Variants in CSNK1A1L observed in about 807,000 individuals in gnomAD.
CSNK1A1L encodes the protein casein kinase 1 alpha 1 like, also known as casein kinase I isoform alpha-like.
CSNK1A1L carries 20 observed loss-of-function variants against 24.6 expected under a neutral mutation model. The ratio of observed to expected loss-of-function variants is 0.81; its 90% CI spans 0.57 to 1.18. CSNK1A1L has a LOEUF of 1.18. Ranked by LOEUF, CSNK1A1L falls within the 50% of genes most tolerant of loss-of-function variation. The pLI is 0.00. For synonymous variants in CSNK1A1L, 152 were observed against 154.0 expected, an observed-to-expected ratio of 0.99 and a Z score of 0.09; for missense variants, 414 against 419.0, an observed-to-expected ratio of 0.99 and a Z score of 0.10.
rs1490825316 is a variant in CSNK1A1L at position 37,105,279 on chromosome 13, T to TG, written c.-24dup. ...CATCCTGAGAGGCAAAGATGGAGGC[T>TG]GGGCTCAGCCCTGACCCCTCTAGGG... On this transcript the variant is annotated 5_prime_UTR_variant, in exon 1 of 1. Transcript: ENST00000379800. 1 of 1,604,334 alleles carries TG rather than the reference T, an allele frequency of 6.2e-7. No individual in the cohort carries two copies. Among genetic ancestry groups the TG allele is most frequent in the Non-Finnish European group, 8.5e-7 (1 of 1,174,862 alleles).
chr13:37,105,403 G>T lies in CSNK1A1L; in HGVS notation c.-147C>A. On this transcript the variant is annotated 5_prime_UTR_variant, in exon 1 of 1. Transcript: ENST00000379800. ...GTTTCCCGGTGTTACAGGGCGTGGA[G>T]TCAGCCTGATCCCTGCAGCACACCA... The T allele has an allele frequency of 1.3e-6, 1 of 781,476 alleles. No individual in the cohort carries two copies. The highest frequency in any genetic ancestry group is 2.1e-6 in the Non-Finnish European group (1 of 482,770). 48.4% of individuals were successfully genotyped at this position (781,476 alleles called of 1,614,324 possible). A position where few individuals can be genotyped will look rare whatever the true frequency, so the allele number is the denominator to read the frequency against.
In CSNK1A1L at chr13:37,104,239, AC is replaced by A; in HGVS notation, c.*3del. ...GCTCTGCTTCTTCTGTTCCTCATTCACGCTTAGTTATCTTTCACATTATTCT... is the reference window on the plus strand; with the variant it reads ...GCTCTGCTTCTTCTGTTCCTCATTCAGCTTAGTTATCTTTCACATTATTCT... On this transcript the variant is annotated 3_prime_UTR_variant, in exon 1 of 1. Transcript: ENST00000379800. 1 of 1,614,066 alleles carries A rather than the reference AC, an allele frequency of 6.2e-7. No homozygotes were observed.
Position 37,105,345 on chromosome 13 carries a change from A to G in CSNK1A1L, c.-89T>C. On this transcript the variant is annotated 5_prime_UTR_variant, in exon 1 of 1. Coordinates refer to ENST00000379800, the MANE Select transcript of CSNK1A1L (RefSeq NM_145203.6). ...CGGGGCCCACCGGCCCGCAAGGCTGAGGATGAGGGCTGCTGGAAATGGCCA... is the reference window on the plus strand; with the variant it reads ...CGGGGCCCACCGGCCCGCAAGGCTGGGGATGAGGGCTGCTGGAAATGGCCA... 7.0e-7 allele frequency: 1 copy of G among 1,425,582 alleles called. No individual in the cohort carries two copies. The highest frequency in any genetic ancestry group is 9.5e-7 in the Non-Finnish European group (1 of 1,047,734). The allele number at this position is 1,425,582 out of a possible 1,614,324, so 88.3% of individuals were successfully genotyped here.
Position 37,105,140 on chromosome 13 carries a change from G to C in CSNK1A1L, c.117C>G (p.Asn39Lys), listed in dbSNP as rs368741835. The C allele has an allele frequency of 6.2e-7, 1 of 1,614,106 alleles. No homozygotes were observed. Among genetic ancestry groups the C allele is most frequent in the Non-Finnish European group, 8.5e-7 (1 of 1,180,030 alleles). ...GDVYLGITTT[N>K]GEDVAVKLES... is the part of the protein sequence containing the mutation. Reference sequence around the variant, plus strand: ...CCAGCTTCACTGCTACGTCCTCGCCGTTGGTGGTGGTGATGCCCAGATAAA... The same window carrying C: ...CCAGCTTCACTGCTACGTCCTCGCCCTTGGTGGTGGTGATGCCCAGATAAA... The change falls in exon 1 of 1, where the codon AAC becomes AAG. Residue 39 changes from asparagine to lysine, a missense_variant. Physicochemically the swap from Asn to Lys is moderately conservative, Grantham distance 94 (BLOSUM62 0). Coordinates refer to ENST00000379800, the MANE Select transcript of CSNK1A1L (RefSeq NM_145203.6).
chr13:37,104,620 A>C lies in CSNK1A1L; in HGVS notation c.637T>G (p.Tyr213Asp), dbSNP rs1267421167. The change falls in exon 1 of 1, where the codon TAT becomes GAT. Residue 213 changes from tyrosine to aspartate, a missense_variant. Transcript: ENST00000379800. The stretch of plus-strand genomic sequence containing the variant: ...CACGGCAGGCTGGTTCTATTAAAAT[A>C]CATGAAAACGTAGCCTAAGGATTCC... ...DMESLGYVFM[Y>D]FNRTSLPWQG... 1 of 1,614,030 alleles carries C rather than the reference A, an allele frequency of 6.2e-7. No individual in the cohort carries two copies.
rs960099936 is a variant in CSNK1A1L at position 37,104,795 on chromosome 13, G to T, written c.462C>A (p.Phe154Leu). 5.2e-5 allele frequency: 84 copies of T among 1,613,324 alleles called. No homozygotes were observed. The highest frequency in any genetic ancestry group is 7.1e-5 in the Non-Finnish European group (84 of 1,179,924). Residue 154 changes from phenylalanine (F) to leucine (L), a missense_variant, in exon 1 of 1, where the codon TTC becomes TTA. Transcript: ENST00000379800. Reference protein sequence around the residue: ...MGTGRHCNKLFLIDFGLAKKY... With the variant: ...MGTGRHCNKLLLIDFGLAKKY... ...TTTTGGCCAAACCAAAATCAATAAG[G>T]AACAACTTATTACAGTGACGCCCAG... is the stretch of plus-strand genomic sequence containing the variant.
Position 37,104,021 on chromosome 13 carries a change from A to T in CSNK1A1L, c.*222T>A. The T allele has an allele frequency of 1.7e-6, 1 of 598,110 alleles. No homozygotes were observed. Among genetic ancestry groups the T allele is most frequent in the East Asian group, 2.9e-5 (1 of 35,062 alleles). The allele number at this position is 598,110 out of a possible 1,614,324, so 37.1% of individuals were successfully genotyped here. On this transcript the variant is annotated 3_prime_UTR_variant, in exon 1 of 1. Coordinates refer to ENST00000379800, the MANE Select transcript of CSNK1A1L (RefSeq NM_145203.6). The stretch of plus-strand genomic sequence containing the variant: ...AATAGAAAACCAGACACCACGTTTC[A>T]CTACCTCAGTTAATATTCACAATTA...
rs1007189241 is a variant in CSNK1A1L at position 37,103,308 on chromosome 13, C to T, written c.*935G>A. On this transcript the variant is annotated 3_prime_UTR_variant, in exon 1 of 1. Coordinates refer to ENST00000379800, the MANE Select transcript of CSNK1A1L (RefSeq NM_145203.6). ...AGGGAATATCATGTAACAAATGGCT[C>T]GAAGTTGACTATCAAAAAATTGGGG... is the stretch of plus-strand genomic sequence containing the variant. 20 of 152,062 alleles carry T rather than the reference C, an allele frequency of 1.3e-4. No homozygotes were observed. Among genetic ancestry groups the T allele is most frequent in the Admixed American group, 1.2e-3 (18 of 15,270 alleles). The allele number at this position is 152,062 out of a possible 1,614,324, so 9.4% of individuals were successfully genotyped here. A position where few individuals can be genotyped will look rare whatever the true frequency, so the allele number is the denominator to read the frequency against.
Position 37,104,348 on chromosome 13 carries a change from C to T in CSNK1A1L, c.909G>A (p.Gln303=), listed in dbSNP as rs1264351105. 3 of 1,614,094 alleles carry T rather than the reference C, an allele frequency of 1.9e-6. No individual in the cohort carries two copies. Among genetic ancestry groups the T allele is most frequent in the Non-Finnish European group, 2.5e-6 (3 of 1,180,060 alleles). The change falls in exon 1 of 1, where the codon CAG becomes CAA. Residue 303 remains glutamine (Q), a synonymous_variant. Coordinates refer to ENST00000379800, the MANE Select transcript of CSNK1A1L (RefSeq NM_145203.6). The part of the protein sequence containing the change: ...DYTFDWTMLK[Q]KAAQQAASSS... The stretch of plus-strand genomic sequence containing the variant: ...AAGAGGCTGCCTGCTGTGCTGCTTT[C>T]TGCTTTAACATCGTCCAATCAAATG...
chr13:37,104,852 T>G lies in CSNK1A1L; in HGVS notation c.405A>C (p.Arg135=). Residue 135 remains arginine, a synonymous_variant, in exon 1 of 1, where the codon CGA becomes CGC. Coordinates refer to ENST00000379800, the MANE Select transcript of CSNK1A1L (RefSeq NM_145203.6). ...EYVHTKNFLH[R]DIKPDNFLMG... Reference sequence around the variant, plus strand: ...TCAGGAAGTTATCTGGTTTAATGTCTCGGTGTAGAAAATTCTTTGTATGCA... The same window carrying G: ...TCAGGAAGTTATCTGGTTTAATGTCGCGGTGTAGAAAATTCTTTGTATGCA... 6.2e-7 allele frequency: 1 copy of G among 1,614,164 alleles called. No homozygotes were observed.
Position 37,104,259 on chromosome 13 carries a change from T to C in CSNK1A1L, c.998A>G (p.Asn333Ser). ...TGKQTEKNKN[N>S]VKDN ...CATTCACGCTTAGTTATCTTTCACA[T>C]TATTCTTGTTTTTTTCAGTTTGCTT... Residue 333 changes from asparagine to serine, a missense_variant, in exon 1 of 1, where the codon AAT (asparagine) becomes AGT (serine). Physicochemically the swap from Asn to Ser is conservative, Grantham distance 46. Transcript: ENST00000379800. The C allele has an allele frequency of 6.2e-7, 1 of 1,614,242 alleles. No individual in the cohort carries two copies. Among genetic ancestry groups the C allele is most frequent in the South Asian group, 1.1e-5 (1 of 91,088 alleles).
Position 37,105,132 on chromosome 13 carries a change from T to C in CSNK1A1L, c.125A>G (p.Asp42Gly), listed in dbSNP as rs1205146982. 3.7e-6 allele frequency: 6 copies of C among 1,614,122 alleles called. No homozygotes were observed. Among genetic ancestry groups the C allele is most frequent in the Non-Finnish European group, 4.2e-6 (5 of 1,180,030 alleles). ...YLGITTTNGE[D>G]VAVKLESQKV... ...CTGAGATTCCAGCTTCACTGCTACGTCCTCGCCGTTGGTGGTGGTGATGCC... is the reference window on the plus strand; with the variant it reads ...CTGAGATTCCAGCTTCACTGCTACGCCCTCGCCGTTGGTGGTGGTGATGCC... Residue 42 changes from aspartate (D) to glycine (G), a missense_variant, in exon 1 of 1, where the codon GAC becomes GGC. Asp to Gly is a moderately conservative substitution (Grantham distance 94, BLOSUM62 -1). Transcript: ENST00000379800.
chr13:37,104,607 G>A lies in CSNK1A1L; in HGVS notation c.650C>T (p.Thr217Ile), dbSNP rs777654700. 6.2e-7 allele frequency: 1 copy of A among 1,613,974 alleles called. No individual in the cohort carries two copies. Among genetic ancestry groups the A allele is most frequent in the Non-Finnish European group, 8.5e-7 (1 of 1,180,004 alleles). ...CCTTAGTCCTTGCCACGGCAGGCTG[G>A]TTCTATTAAAATACATGAAAACGTA... ...LGYVFMYFNR[T>I]SLPWQGLRAM... The change falls in exon 1 of 1, where the codon ACC (threonine) becomes ATC (isoleucine). Residue 217 changes from threonine (T) to isoleucine (I), a missense_variant. Physicochemically the swap from Thr to Ile is moderately conservative, Grantham distance 89. Transcript: ENST00000379800.
Position 37,105,631 on chromosome 13 carries a change from G to T in CSNK1A1L, c.-375C>A. 1 of 207,214 alleles carries T rather than the reference G, an allele frequency of 4.8e-6. No individual in the cohort carries two copies. The highest frequency in any genetic ancestry group is 1.1e-5 in the Non-Finnish European group (1 of 94,654). 12.8% of individuals were successfully genotyped at this position (207,214 alleles called of 1,614,324 possible). A position where few individuals can be genotyped will look rare whatever the true frequency, so the allele number is the denominator to read the frequency against. Reference sequence around the variant, plus strand: ...AGGGCCCGGTCACGCCGCCGGCGCCGCCATTTTGTTCCTCCACCTCAGCCA... The same window carrying T: ...AGGGCCCGGTCACGCCGCCGGCGCCTCCATTTTGTTCCTCCACCTCAGCCA... On this transcript the variant is annotated 5_prime_UTR_variant, in exon 1 of 1. Coordinates refer to ENST00000379800, the MANE Select transcript of CSNK1A1L (RefSeq NM_145203.6).
Position 37,105,609 on chromosome 13 carries a change from GC to G in CSNK1A1L, c.-354del. 4.5e-6 allele frequency: 1 copy of G among 224,268 alleles called. No homozygotes were observed. Among genetic ancestry groups the G allele is most frequent in the Non-Finnish European group, 9.4e-6 (1 of 106,510 alleles). 13.9% of individuals were successfully genotyped at this position (224,268 alleles called of 1,614,324 possible). A position where few individuals can be genotyped will look rare whatever the true frequency, so the allele number is the denominator to read the frequency against. On this transcript the variant is annotated 5_prime_UTR_variant, in exon 1 of 1. Coordinates refer to ENST00000379800, the MANE Select transcript of CSNK1A1L (RefSeq NM_145203.6). ...GCTACCAACGGCTGTGGGCCAGAGG[GC>G]CCGGTCACGCCGCCGGCGCCGCCAT...
chr13:37,104,606 G>A lies in CSNK1A1L; in HGVS notation c.651C>T (p.Thr217=), dbSNP rs1409593367. 1.2e-6 allele frequency: 2 copies of A among 1,614,014 alleles called. No homozygotes were observed. The highest frequency in any genetic ancestry group is 3.3e-5 in the Admixed American group (2 of 60,022). ...LGYVFMYFNR[T]SLPWQGLRAM... Reference sequence around the variant, plus strand: ...CCCTTAGTCCTTGCCACGGCAGGCTGGTTCTATTAAAATACATGAAAACGT... The same window carrying A: ...CCCTTAGTCCTTGCCACGGCAGGCTAGTTCTATTAAAATACATGAAAACGT... The change falls in exon 1 of 1, where the codon ACC becomes ACT. Residue 217 remains threonine (T), a synonymous_variant. Transcript: ENST00000379800.
rs2070773926 is a variant in CSNK1A1L at position 37,105,642 on chromosome 13, C to CAGAA, written c.-387_-386insTTCT. On this transcript the variant is annotated 5_prime_UTR_variant, in exon 1 of 1. Transcript: ENST00000379800. ...ACGCCGCCGGCGCCGCCATTTTGTTCCTCCACCTCAGCCAACCACAAATCG... is the reference window on the plus strand; with the variant it reads ...ACGCCGCCGGCGCCGCCATTTTGTTCAGAACTCCACCTCAGCCAACCACAAATCG... The CAGAA allele has an allele frequency of 4.9e-6, 1 of 204,202 alleles. No individual in the cohort carries two copies. Among genetic ancestry groups the CAGAA allele is most frequent in the East Asian group, 1.4e-4 (1 of 7,170 alleles). The allele number at this position is 204,202 out of a possible 1,614,324, so 12.6% of individuals were successfully genotyped here.
At position 37,104,400 on chromosome 13, in the gene CSNK1A1L, C is replaced by G. The variant is rs761083671; in HGVS notation, c.857G>C (p.Arg286Thr). 1 of 1,614,144 alleles carries G rather than the reference C, an allele frequency of 6.2e-7. No homozygotes were observed. Among genetic ancestry groups the G allele is most frequent in the East Asian group, 2.2e-5 (1 of 44,876 alleles). The change falls in exon 1 of 1, where the codon AGG (arginine) becomes ACG (threonine). Residue 286 changes from arginine (R) to threonine (T), a missense_variant. Arg to Thr is a moderately conservative substitution (Grantham distance 71, BLOSUM62 -1). Transcript: ENST00000379800. ...GTAGTCATATTGGTGGTTCAGGGTCCTGAAAAGAATGCGGAATAGCTGCCT... is the reference window on the plus strand; with the variant it reads ...GTAGTCATATTGGTGGTTCAGGGTCGTGAAAAGAATGCGGAATAGCTGCCT... ...YLRQLFRILF[R>T]TLNHQYDYTF...
In CSNK1A1L at chr13:37,105,417, T is replaced by C. The variant is rs1395345236; in HGVS notation, c.-161A>G. On this transcript the variant is annotated 5_prime_UTR_variant, in exon 1 of 1. Transcript: ENST00000379800. ...CAGGGCGTGGAGTCAGCCTGATCCC[T>C]GCAGCACACCAGGATTTCCGCCAGG... 2.9e-6 allele frequency: 2 copies of C among 690,252 alleles called. No individual in the cohort carries two copies. The highest frequency in any genetic ancestry group is 3.0e-5 in the Admixed American group (1 of 33,264). 42.8% of individuals were successfully genotyped at this position (690,252 alleles called of 1,614,324 possible). A position where few individuals can be genotyped will look rare whatever the true frequency, so the allele number is the denominator to read the frequency against.
Sources: allele counts gnomAD v4.1 joint callset, GRCh38; gene constraint gnomAD v4.1.1; transcripts MANE v1.5; gene names NCBI Gene and HGNC (gene_info 2026-07-23, HGNC 2026-07-21).